Variants in ZNF385B observed in about 807,000 individuals in gnomAD.
The protein encoded by ZNF385B is zinc finger protein 385B.
In ZNF385B, 23 loss-of-function variants were observed where a neutral mutation model predicts 39.2. The ratio of observed to expected loss-of-function variants is 0.59; its 90% CI spans 0.42 to 0.83. The LOEUF (loss-of-function observed/expected upper bound fraction) is 0.83, where lower values mean the gene tolerates loss of function less well. Among genes scored for constraint, ZNF385B ranks in the 40% least tolerant of loss-of-function variants. The pLI is 0.00. For missense variants in ZNF385B, 552 were observed against 598.9 expected, an observed-to-expected ratio of 0.92 and a Z score of 0.82; for synonymous variants, 205 against 222.6, an observed-to-expected ratio of 0.92 and a Z score of 0.70.
intron 4 of ZNF385B, among the ~76,000 whole-genome samples, chr2:179,544,216 C>T (rs1251624949): frequency 1.3e-5 from 2 of 152,164 alleles, no homozygotes; most frequent in African/African-American, 2.4e-5. Context: ...AGCTGAAGCA[C>T]ATCAGTAATT....
chr2:179,645,126 C>T (rs2106231408), intron 3 of ZNF385B, among the ~76,000 whole-genome samples: 1 of 152,274 alleles, frequency 6.6e-6, no homozygotes, highest in Non-Finnish European at 1.5e-5. Flanking sequence ...ACTACAGGTA[C>T]ACTCCAAATT....
At chr2:179,744,578 C>T (rs1006530004) in intron 3 of ZNF385B, among the ~76,000 whole-genome samples, 1 of 152,050 alleles carries the variant, frequency 6.6e-6, no homozygotes, top group African/African-American at 2.4e-5. Context: ...CCAAGCTTTA[C>T]GTGTACTGGC....
At chr2:179,596,010 A>G (rs915067082) in intron 3 of ZNF385B, among the ~76,000 whole-genome samples, 4 of 152,222 alleles carry the variant, frequency 2.6e-5, no homozygotes, top group Non-Finnish European at 5.9e-5. Flanking sequence ...AAAAATTTCA[A>G]GGAACTACTA....
At chr2:179,561,020 T>C (rs1048078539) in intron 3 of ZNF385B, among the ~76,000 whole-genome samples, 5 of 152,204 alleles carry the variant, frequency 3.3e-5, no homozygotes, top group East Asian at 3.8e-4. Flanking sequence ...GAGTGCACCA[T>C]AGAATTTTAC....
chr2:179,848,149 T>G (rs182534381), intron 1 of ZNF385B, among the ~76,000 whole-genome samples: 13 of 152,272 alleles, frequency 8.5e-5, no homozygotes, highest in African/African-American at 3.1e-4. Context: ...TATGGAGCTA[T>G]GTGGAGAGAA....
chr2:179,539,017 CTT>C (rs976634733), intron 4 of ZNF385B, among the ~76,000 whole-genome samples: 21 of 152,208 alleles, frequency 1.4e-4, no homozygotes, highest in African/African-American at 4.3e-4. Flanking sequence ...TAAAAATAAA[CTT>C]CACTTACTTA....
At chr2:179,652,862 T>A (rs1234559704) in intron 3 of ZNF385B, among the ~76,000 whole-genome samples, 23 of 99,728 alleles carry the variant, frequency 2.3e-4, no homozygotes, top group African/African-American at 4.8e-4. Flanking sequence ...AAAAAAAAAA[T>A]CATCAGAAGA....
chr2:179,754,769 G>T (rs1702902113), intron 3 of ZNF385B, among the ~76,000 whole-genome samples: 1 of 152,106 alleles, frequency 6.6e-6, no homozygotes, highest in Non-Finnish European at 1.5e-5. Flanking sequence ...TTTGGGATCG[G>T]TGGTGATATC....
rs1007733692 is a variant in ZNF385B, at chr2:179,744,327, T to A, written c.298+25176A>T. ...CCATCTCTCCATTTTTTTTTTTTTT[T>A]AAATCATAGAGACGCCTTAGCAGAA... On this transcript the variant is annotated intron_variant, in intron 3 of 9. Coordinates refer to ENST00000410066, the MANE Select transcript of ZNF385B (RefSeq NM_152520.6). Among the ~76,000 whole-genome samples, 7 of 105,094 alleles carry A rather than the reference T, an allele frequency of 6.7e-5. 1 individual carries two copies. The highest frequency in any genetic ancestry group is 3.4e-4 in the South Asian group (1 of 2,952). 68.9% of individuals were successfully genotyped at this position (105,094 alleles called of 152,430 possible).
chr2:179,486,615 T>C (rs1477500577), intron 5 of ZNF385B, among the ~76,000 whole-genome samples: 1 of 152,176 alleles, frequency 6.6e-6, no homozygotes, highest in African/African-American at 2.4e-5. Context: ...GATCCTTCTG[T>C]TGAGTAAAGA....
intron 3 of ZNF385B, among the ~76,000 whole-genome samples, chr2:179,567,528 G>T (rs1392773101): frequency 1.3e-5 from 2 of 152,148 alleles, no homozygotes; most frequent in Non-Finnish European, 2.9e-5. Flanking sequence ...TAGTGGCACA[G>T]ATATAGAAGT....
chr2:179,637,036 A>G (rs1247669971), intron 3 of ZNF385B, among the ~76,000 whole-genome samples: 1 of 152,242 alleles, frequency 6.6e-6, no homozygotes, highest in East Asian at 1.9e-4. Flanking sequence ...AAAAACTCAT[A>G]GCAAGTAATT....
chr2:179,684,677 T>C (rs1376089347), intron 3 of ZNF385B, among the ~76,000 whole-genome samples: 1 of 152,202 alleles, frequency 6.6e-6, no homozygotes, highest in Non-Finnish European at 1.5e-5. Flanking sequence ...AACTAATCAA[T>C]ATTCCTAACA....
rs377066277 is a variant in ZNF385B at position 179,756,256 on chromosome 2, T to A, written c.298+13247A>T. On this transcript the variant is annotated intron_variant, in intron 3 of 9. Transcript: ENST00000410066. ...ACTTATGAAGCTTAGTTTGGCTGGA[T>A]ATGAAATTCTGGGTTGAAAATTCTT... Among the ~76,000 whole-genome samples the A allele has an allele frequency of 4.6e-5, 7 of 152,196 alleles. No homozygotes were observed. The East Asian group carries it at 9.6e-4, about 21-fold the overall frequency.
chr2:179,689,827 T>A (rs13420268), intron 3 of ZNF385B, among the ~76,000 whole-genome samples: 2 of 42,530 alleles, frequency 4.7e-5, no homozygotes, highest in Non-Finnish European at 1.0e-4. Flanking sequence ...GTGTGTGTGT[T>A]TATTTGTTTT....
Position 179,555,775 on chromosome 2 carries a change from GA to G in ZNF385B, c.299-10807del, listed in dbSNP as rs371467879. Among the ~76,000 whole-genome samples the G allele has an allele frequency of 5.0e-4, 75 of 149,208 alleles. 4 individuals are homozygous for G. The South Asian group carries it at 0.016, about 31-fold the overall frequency. ...ACACAGACTCTAGTGATGCCAAAGA[GA>G]AAAATGTATATCTAGAACTCTGAGT... On this transcript the variant is annotated intron_variant, in intron 3 of 9. Coordinates refer to ENST00000410066, the MANE Select transcript of ZNF385B (RefSeq NM_152520.6).
At chr2:179,689,712 C>T (rs1698196793) in intron 3 of ZNF385B, among the ~76,000 whole-genome samples, 1 of 151,956 alleles carries the variant, frequency 6.6e-6, no homozygotes, top group South Asian at 2.1e-4. Context: ...TCTGGTTTCT[C>T]ATTGAGTTCC....
intron 1 of ZNF385B, among the ~76,000 whole-genome samples, chr2:179,803,472 C>T (rs1027331604): frequency 6.6e-6 from 1 of 152,086 alleles, no homozygotes; most frequent in Non-Finnish European, 1.5e-5. Flanking sequence ...TTAATATAAA[C>T]ATCAGCTGTT....
At chr2:179,851,458 T>G (rs1223663760) in intron 1 of ZNF385B, among the ~76,000 whole-genome samples, 1 of 151,922 alleles carries the variant, frequency 6.6e-6, no homozygotes, top group African/African-American at 2.4e-5. Context: ...TCTTAAAAAA[T>G]AAAAAGAAAA....
Sources: gnomAD v4.1 joint callset for allele counts (sites outside exome capture counted in the v4.1 genomes callset) on GRCh38, gnomAD v4.1.1 for gene constraint, MANE v1.5 for transcripts, NCBI Gene and HGNC (gene_info 2026-07-23, HGNC 2026-07-21) for gene names.